SLC30A9: variants seen among roughly 807,000 people sequenced by gnomAD.
SLC30A9 encodes proton-coupled zinc antiporter SLC30A9, mitochondrial.
In SLC30A9, 58 loss-of-function variants were observed where a neutral mutation model predicts 87.5. The ratio of observed to expected loss-of-function variants is 0.66; its 90% confidence interval spans 0.54 to 0.82. The LOEUF is 0.82. SLC30A9 is among the 40% of genes least tolerant of loss of function. The probability of loss-of-function intolerance (pLI) is 0.00; values close to 1 mark genes in which losing one functional copy is unlikely to be tolerated. For missense variants in SLC30A9, 557 were observed against 679.1 expected (o/e 0.82, Z 2.00); for synonymous variants, 234 against 233.0 (o/e 1.00, Z -0.04).
Position 41,995,219 on chromosome 4 carries a change from C to T in SLC30A9, c.109+4459C>T, listed in dbSNP as rs148447221. On this transcript the variant is annotated intron_variant, in intron 1 of 17. Transcript: ENST00000264451. Reference sequence around the variant, plus strand: ...AGGCTGCAGTGAGCCGAGATCGTGCCATTGCACTCCAGCCTGGGCAACAAG... The same window carrying T: ...AGGCTGCAGTGAGCCGAGATCGTGCTATTGCACTCCAGCCTGGGCAACAAG... 6.9e-3 allele frequency among the ~76,000 whole-genome samples: 1,056 copies of T among 152,304 alleles called. 7 individuals carry two copies. Among genetic ancestry groups the T allele is most frequent in the Middle Eastern group, 0.034 (10 of 292 alleles).
chr4:42,062,611 A>G (rs1717901954), intron 10 of SLC30A9, among the ~76,000 whole-genome samples: 1 of 152,238 alleles, frequency 6.6e-6, no homozygotes, highest in Non-Finnish European at 1.5e-5. Context: ...AAAATATTCA[A>G]TTAGAAGCTG....
Position 42,087,184 on chromosome 4 carries a change from T to G in SLC30A9, c.*1058T>G, listed in dbSNP as rs1718951708. 1 of 152,226 alleles carries G rather than the reference T, an allele frequency of 6.6e-6. No individual in the cohort carries two copies. Among genetic ancestry groups the G allele is most frequent in the African/African-American group, 2.4e-5 (1 of 41,462 alleles). The allele number at this position is 152,226 out of a possible 1,614,324, so 9.4% of individuals were successfully genotyped here. A position where few individuals can be genotyped will look rare whatever the true frequency, so the allele number is the denominator to read the frequency against. ...AGTTACAAATGGGCATTTAGTATAGTTATATTGACTATAACATGTAAGTAA... is the reference window on the plus strand; with the variant it reads ...AGTTACAAATGGGCATTTAGTATAGGTATATTGACTATAACATGTAAGTAA... On this transcript the variant is annotated 3_prime_UTR_variant, in exon 18 of 18. Transcript: ENST00000264451.
At chr4:42,034,419 C>T (rs1343258574) in intron 6 of SLC30A9, among the ~76,000 whole-genome samples, 1 of 111,936 alleles carries the variant, frequency 8.9e-6, no homozygotes, top group Non-Finnish European at 2.0e-5. Context: ...AAATAACTAC[C>T]CCCCATTTCC....
chr4:42,066,290 T>C (rs1186463638), intron 12 of SLC30A9, among the ~76,000 whole-genome samples: 5 of 152,216 alleles, frequency 3.3e-5, no homozygotes, highest in Admixed American at 6.5e-5. Context: ...ATGTGGTTAG[T>C]GTGGTGCTGC....
At chr4:42,056,618 G>A (rs113408578) in intron 9 of SLC30A9, among the ~76,000 whole-genome samples, 20 of 152,026 alleles carry the variant, frequency 1.3e-4, no homozygotes, top group African/African-American at 4.1e-4. Context: ...ATATCTTCCC[G>A]CCCCAGCCCC....
At position 42,036,012 on chromosome 4, in the gene SLC30A9, C is replaced by G. The variant is rs73154922; in HGVS notation, c.669+679C>G. On this transcript the variant is annotated intron_variant, in intron 7 of 17. Coordinates refer to ENST00000264451, the MANE Select transcript of SLC30A9 (RefSeq NM_006345.4). ...CAACTCTGTGCTTGTATCCAAGAAGCTTAGCCCTTGGAGAAGAAAATTACA... is the reference window on the plus strand; with the variant it reads ...CAACTCTGTGCTTGTATCCAAGAAGGTTAGCCCTTGGAGAAGAAAATTACA... 9.7e-3 allele frequency among the ~76,000 whole-genome samples: 1,479 copies of G among 152,264 alleles called. 18 individuals carry two copies. The highest frequency in any genetic ancestry group is 0.033 in the African/African-American group (1,374 of 41,552).
chr4:42,004,647 C>CTT (rs1243802247), intron 2 of SLC30A9, among the ~76,000 whole-genome samples: 2 of 118,604 alleles, frequency 1.7e-5, no homozygotes, highest in South Asian at 3.2e-4. Flanking sequence ...TTATATTTTC[C>CTT]TTTTTTTTTT....
intron 3 of SLC30A9, among the ~76,000 whole-genome samples, 182 bp from the exon 4 acceptor site, chr4:42,020,234 G>A (rs982751091): frequency 3.9e-5 from 6 of 152,238 alleles, no homozygotes; most frequent in African/African-American, 1.4e-4. Context: ...AAAGCTAGAT[G>A]GCTACAAATG....
At chr4:42,014,443 G>A (rs894585324) in intron 2 of SLC30A9, among the ~76,000 whole-genome samples, 1 of 152,056 alleles carries the variant, frequency 6.6e-6, no homozygotes, top group Admixed American at 6.5e-5. Flanking sequence ...TGTAGTCCCA[G>A]CTACTCGGGA....
chr4:42,018,321 T>C, intron 3 of SLC30A9, 151 bp downstream of exon 3: 1 of 824,154 alleles, frequency 1.2e-6, no homozygotes, highest in Non-Finnish European at 1.9e-6. Context: ...TAAGGATTTA[T>C]TCTCTTACAT....
intron 15 of SLC30A9, among the ~76,000 whole-genome samples, chr4:42,075,374 G>C (rs1718510030): frequency 6.6e-6 from 1 of 151,602 alleles, no homozygotes; most frequent in Non-Finnish European, 1.5e-5. Flanking sequence ...GCGCCCAGCA[G>C]AGTTAATGAA....
rs62302117 is a variant in SLC30A9, at chr4:42,022,036, C to T, written c.435-802C>T. Among the ~76,000 whole-genome samples the T allele has an allele frequency of 1.1e-4, 4 of 36,854 alleles. 1 individual carries two copies. The highest frequency in any genetic ancestry group is 1.7e-4 in the African/African-American group (4 of 24,040). 24.2% of individuals were successfully genotyped at this position (36,854 alleles called of 152,430 possible). ...CTGCAAGCTCCGCTTCCCGGGTTCACGCCATTCTCCTGCCTCAGCCTCCCG... is the reference window on the plus strand; with the variant it reads ...CTGCAAGCTCCGCTTCCCGGGTTCATGCCATTCTCCTGCCTCAGCCTCCCG... On this transcript the variant is annotated intron_variant, in intron 4 of 17. Transcript: ENST00000264451.
At chr4:42,073,161 G>A (rs963009534) in intron 15 of SLC30A9, among the ~76,000 whole-genome samples, 6 of 152,020 alleles carry the variant, frequency 3.9e-5, no homozygotes, top group African/African-American at 1.2e-4. Context: ...CACCGTGCCC[G>A]GCCTCTGTAT....
At chr4:41,996,288 G>T (rs577886680) in intron 1 of SLC30A9, among the ~76,000 whole-genome samples, 3 of 151,500 alleles carry the variant, frequency 2.0e-5, no homozygotes, top group Non-Finnish European at 2.9e-5. Flanking sequence ...TAGAGATGGG[G>T]TTTTTCCATG....
At chr4:42,050,138 C>T (rs1302480798) in intron 9 of SLC30A9, among the ~76,000 whole-genome samples, 1 of 152,002 alleles carries the variant, frequency 6.6e-6, no homozygotes, top group Non-Finnish European at 1.5e-5. Flanking sequence ...ATAAAAATAA[C>T]GTGAAGATAA....
chr4:42,035,860 T>C (rs2153137100), intron 7 of SLC30A9, among the ~76,000 whole-genome samples: 1 of 152,330 alleles, frequency 6.6e-6, no homozygotes, highest in East Asian at 1.9e-4. Context: ...ACCTTAAGCA[T>C]GTAGATATAG....
At chr4:42,057,549 A>G (rs1330085525) in intron 9 of SLC30A9, among the ~76,000 whole-genome samples, 4 of 152,190 alleles carry the variant, frequency 2.6e-5, no homozygotes, top group Non-Finnish European at 5.9e-5. Context: ...TGCACACAGC[A>G]GAGGGACCCT....
At chr4:42,072,209 A>G (rs1396990773) in intron 15 of SLC30A9, among the ~76,000 whole-genome samples, 4 of 152,204 alleles carry the variant, frequency 2.6e-5, no homozygotes, top group Admixed American at 2.6e-4. Flanking sequence ...TGATCTTTCT[A>G]AAGAACCAGC....
intron 7 of SLC30A9, among the ~76,000 whole-genome samples, chr4:42,037,813 G>A (rs1716753372): frequency 6.6e-6 from 1 of 152,076 alleles, no homozygotes; most frequent in Non-Finnish European, 1.5e-5. Flanking sequence ...TTTTGAGACA[G>A]AGTATTGCTG....
Sources: allele counts gnomAD v4.1 joint callset (sites outside exome capture counted in the v4.1 genomes callset), GRCh38; gene constraint gnomAD v4.1.1; transcripts MANE v1.5; gene names NCBI Gene and HGNC (gene_info 2026-07-23, HGNC 2026-07-21).